IKZF3: variants seen among roughly 807,000 people sequenced by gnomAD.
The protein encoded by IKZF3 is zinc finger protein Aiolos.
A neutral mutation model predicts 49.0 loss-of-function variants in IKZF3; 10 were observed. The ratio of observed to expected loss-of-function variants is 0.20; its 90% CI spans 0.13 to 0.35. The LOEUF is 0.35. Among genes scored for constraint, IKZF3 ranks in the 10% least tolerant of loss-of-function variants. The probability of loss-of-function intolerance (pLI) is 1.00; values close to 1 mark genes in which losing one functional copy is unlikely to be tolerated. For missense variants in IKZF3, 498 were observed against 664.8 expected, an observed-to-expected ratio of 0.75 and a Z score of 2.76; for synonymous variants, 209 against 228.2, an observed-to-expected ratio of 0.92 and a Z score of 0.76.
chr17:39,849,634 A>G (rs1362552784), intron 1 of IKZF3, among the ~76,000 whole-genome samples: 2 of 152,184 alleles, frequency 1.3e-5, no homozygotes, highest in African/African-American at 2.4e-5. Flanking sequence ...CCTGGGCAAC[A>G]GAGCGAGACT....
intron 3 of IKZF3, among the ~76,000 whole-genome samples, chr17:39,811,835 T>A (rs1320657457): frequency 6.6e-6 from 1 of 152,186 alleles, no homozygotes; most frequent in East Asian, 1.9e-4. Flanking sequence ...AGAACACAAC[T>A]ATAAAAGACT....
intron 3 of IKZF3, among the ~76,000 whole-genome samples, chr17:39,813,484 A>G (rs955280208): frequency 1.1e-4 from 16 of 140,456 alleles, no homozygotes; most frequent in African/African-American, 4.0e-4. Flanking sequence ...GTATCTACAG[A>G]AAAAAAAAAA....
intron 1 of IKZF3, among the ~76,000 whole-genome samples, chr17:39,856,426 C>T (rs1354059510): frequency 6.6e-6 from 1 of 152,012 alleles, no homozygotes; most frequent in Non-Finnish European, 1.5e-5. Context: ...GCACGTGCCA[C>T]CACACCCAGC....
At chr17:39,775,933 A>AG (rs1462774111) in intron 7 of IKZF3, among the ~76,000 whole-genome samples, 1 of 151,682 alleles carries the variant, frequency 6.6e-6, no homozygotes. Flanking sequence ...TCAAAAAAAA[A>AG]AAAAAAAGAA....
At chr17:39,855,409 C>T (rs1036168535) in intron 1 of IKZF3, among the ~76,000 whole-genome samples, 2 of 152,102 alleles carry the variant, frequency 1.3e-5, no homozygotes, top group Non-Finnish European at 2.9e-5. Context: ...TCAACTTGTT[C>T]AGTCATTATT....
chr17:39,835,397 A>T lies in IKZF3; in HGVS notation c.8-3246T>A, dbSNP rs1449447216. 8.4e-6 allele frequency: 4 copies of T among 475,012 alleles called. No homozygotes were observed. In the East Asian group the frequency reaches 2.2e-4, roughly 26 times the overall value. 29.4% of individuals were successfully genotyped at this position (475,012 alleles called of 1,614,324 possible). A position where few individuals can be genotyped will look rare whatever the true frequency, so the allele number is the denominator to read the frequency against. On this transcript the variant is annotated intron_variant, in intron 1 of 7. Coordinates refer to ENST00000346872, the MANE Select transcript of IKZF3 (RefSeq NM_012481.5). Reference sequence around the variant, plus strand: ...CCTTAATGGACCGCTCCCCACACATACACAATGGCGGCCTCCAGGGAAGCC... The same window carrying T: ...CCTTAATGGACCGCTCCCCACACATTCACAATGGCGGCCTCCAGGGAAGCC...
rs62074919 is a variant in IKZF3 at position 39,794,046 on chromosome 17, C to T, written c.164-1113G>A. On this transcript the variant is annotated intron_variant, in intron 3 of 7. Coordinates refer to ENST00000346872, the MANE Select transcript of IKZF3 (RefSeq NM_012481.5). ...CCTTAGAAATCAAAAGTTGTACCTC[C>T]CCATGAGGAATCACAAATCAATGGA... Among the ~76,000 whole-genome samples the T allele has an allele frequency of 3.2e-3, 493 of 152,272 alleles. 3 individuals carry two copies. The highest frequency in any genetic ancestry group is 4.2e-3 in the Non-Finnish European group (289 of 68,028).
intron 2 of IKZF3, 95 bp downstream of exon 2, chr17:39,832,003 A>G: frequency 2.3e-6 from 2 of 878,174 alleles, no homozygotes; most frequent in Non-Finnish European, 3.7e-6. Flanking sequence ...ACATTTCCAT[A>G]GCATTTTTAC....
At position 39,760,997 on chromosome 17, in the gene IKZF3, C is replaced by A. The variant is rs2060170505; in HGVS notation, c.*4793G>T. Reference sequence around the variant, plus strand: ...GAAACGCCATCTCTGCAGAAAAATACAAAAAAAATTAGCTGTGCATGGTGG... The same window carrying A: ...GAAACGCCATCTCTGCAGAAAAATAAAAAAAAAATTAGCTGTGCATGGTGG... On this transcript the variant is annotated 3_prime_UTR_variant, in exon 8 of 8. Transcript: ENST00000346872. The A allele has an allele frequency of 6.6e-6, 1 of 151,322 alleles. No homozygotes were observed. Among genetic ancestry groups the A allele is most frequent in the Non-Finnish European group, 1.5e-5 (1 of 67,994 alleles). 9.4% of individuals were successfully genotyped at this position (151,322 alleles called of 1,614,324 possible). A position where few individuals can be genotyped will look rare whatever the true frequency, so the allele number is the denominator to read the frequency against.
At chr17:39,818,950 A>G (rs866966616) in intron 3 of IKZF3, among the ~76,000 whole-genome samples, 3 of 111,896 alleles carry the variant, frequency 2.7e-5, no homozygotes, top group South Asian at 5.0e-4. Flanking sequence ...ATTTAGAGTG[A>G]TTGATCATAT....
intron 3 of IKZF3, among the ~76,000 whole-genome samples, chr17:39,807,543 A>C (rs1206222397): frequency 1.0e-5 from 1 of 99,092 alleles, no homozygotes; most frequent in African/African-American, 3.9e-5. Flanking sequence ...GGACTATTTA[A>C]ATTTTTTTTT....
chr17:39,824,043 T>C (rs1323851668), intron 3 of IKZF3, among the ~76,000 whole-genome samples: 1 of 152,150 alleles, frequency 6.6e-6, no homozygotes, highest in African/African-American at 2.4e-5. Context: ...CTGGAAAAGC[T>C]GCAAGACACT....
intron 3 of IKZF3, among the ~76,000 whole-genome samples, chr17:39,805,114 C>T (rs1341983189): frequency 6.6e-6 from 1 of 152,186 alleles, no homozygotes; most frequent in Admixed American, 6.5e-5. Context: ...GTCCTCTCTA[C>T]ATAGTGGCTG....
At chr17:39,821,218 T>C (rs1373657706) in intron 3 of IKZF3, among the ~76,000 whole-genome samples, 3 of 152,020 alleles carry the variant, frequency 2.0e-5, no homozygotes, top group Non-Finnish European at 4.4e-5. Flanking sequence ...CCTTAACCTG[T>C]GTGGTCTGTA....
chr17:39,778,145 A>G (rs537697342), intron 6 of IKZF3: 22 of 992,062 alleles, frequency 2.2e-5, no homozygotes, highest in Non-Finnish European at 2.5e-5. Context: ...CTGCAGACTG[A>G]TATAATTCTT....
At chr17:39,788,228 G>T in intron 6 of IKZF3, 30 bp downstream of exon 6, 1 of 1,330,462 alleles carries the variant, frequency 7.5e-7, no homozygotes, top group Non-Finnish European at 1.1e-6. Context: ...GACAGCAGAT[G>T]CTCACTAAAC....
intron 1 of IKZF3, among the ~76,000 whole-genome samples, chr17:39,859,558 T>G (rs1269249066): frequency 1.3e-5 from 2 of 151,556 alleles, no homozygotes; most frequent in Non-Finnish European, 2.9e-5. Flanking sequence ...CTGGCTAATT[T>G]TTGTAGTTTT....
rs568583668 is a variant in IKZF3, at chr17:39,766,418, G to T, written c.902C>A (p.Thr301Asn). Reference sequence around the variant, plus strand: ...ATTGATGGCTTGGTCCATCATGCGGGTCTGTATGAGCTCACTCTCTTTCTC... The same window carrying T: ...ATTGATGGCTTGGTCCATCATGCGGTTCTGTATGAGCTCACTCTCTTTCTC... ...MYEKESELIQ[T>N]RMMDQAINNA... The change falls in exon 8 of 8, where the codon ACC becomes AAC. Residue 301 changes from threonine to asparagine, a missense_variant. Around this residue, in one of 3 missense-constraint regions of IKZF3, gnomAD observed 317 missense variants for 397.3 expected, o/e 0.80. Coordinates refer to ENST00000346872, the MANE Select transcript of IKZF3 (RefSeq NM_012481.5). 1 of 1,614,158 alleles carries T rather than the reference G, an allele frequency of 6.2e-7. No individual in the cohort carries two copies. Among genetic ancestry groups the T allele is most frequent in the South Asian group, 1.1e-5 (1 of 91,088 alleles).
At chr17:39,818,115 G>A (rs2061719028) in intron 3 of IKZF3, among the ~76,000 whole-genome samples, 1 of 152,156 alleles carries the variant, frequency 6.6e-6, no homozygotes, top group South Asian at 2.1e-4. Flanking sequence ...GCATGTTACT[G>A]TACTGAATAC....
Sources: gnomAD v4.1 joint callset for allele counts (sites outside exome capture counted in the v4.1 genomes callset) on GRCh38, gnomAD v4.1.1 for gene constraint, gnomAD v4.1.1 regional missense constraint, MANE v1.5 for transcripts, NCBI Gene and HGNC (gene_info 2026-07-23, HGNC 2026-07-21) for gene names.